SLC44A5: variants seen among roughly 807,000 people sequenced by gnomAD.
The protein encoded by SLC44A5 is choline transporter-like protein 5.
A neutral mutation model predicts 101.8 loss-of-function variants in SLC44A5; 57 were observed. The ratio of observed to expected loss-of-function variants is 0.56; its 90% CI spans 0.45 to 0.70. The LOEUF is 0.70. SLC44A5 is among the 30% of genes least tolerant of loss of function. The pLI is 0.00. For missense variants in SLC44A5, 737 were observed against 853.1 expected (o/e 0.86, Z 1.70); for synonymous variants, 281 against 290.9 (o/e 0.97, Z 0.35).
chr1:75,564,234 G>A (rs936934759), intron 1 of SLC44A5, among the ~76,000 whole-genome samples: 1 of 152,090 alleles, frequency 6.6e-6, no homozygotes, highest in Non-Finnish European at 1.5e-5. Context: ...GCAGTTTACA[G>A]GAAAATTAGA....
At chr1:75,487,166 TC>T (rs1307243912) in intron 2 of SLC44A5, among the ~76,000 whole-genome samples, 2 of 152,112 alleles carry the variant, frequency 1.3e-5, no homozygotes, top group African/African-American at 4.8e-5. Flanking sequence ...GTTTTCAGTC[TC>T]TGAGAGATAG....
rs74769671 is a variant in SLC44A5, at chr1:75,210,761, G to A, written c.2047+707C>T. ...GCTAACAGTATGCCATGAAGCCTGT[G>A]CTTCATTTCAGTAGTTGACTCTTCT... On this transcript the variant is annotated intron_variant, in intron 23 of 23. Transcript: ENST00000370859. 5.7e-4 allele frequency among the ~76,000 whole-genome samples: 87 copies of A among 152,230 alleles called. No individual in the cohort carries two copies. The East Asian group carries it at 0.015, about 26-fold the overall frequency.
the SLC44A5 span, among the ~76,000 whole-genome samples, chr1:75,666,087 AACT>A: frequency 6.6e-6 from 1 of 152,188 alleles, no homozygotes; most frequent in African/African-American, 2.4e-5. Flanking sequence ...CTTAAAATGG[AACT>A]ACCATTCAAA....
chr1:75,347,767 G>A (rs1053141705), intron 3 of SLC44A5, among the ~76,000 whole-genome samples: 1 of 151,760 alleles, frequency 6.6e-6, no homozygotes, highest in Non-Finnish European at 1.5e-5. Context: ...CCCTCTTTTG[G>A]AGTTGTATCT....
chr1:75,537,707 G>A (rs926121959), intron 2 of SLC44A5, among the ~76,000 whole-genome samples: 2 of 152,186 alleles, frequency 1.3e-5, no homozygotes, highest in East Asian at 3.9e-4. Context: ...GGTGAGGAGG[G>A]AAGAAATTGT....
chr1:75,711,575 T>C, the SLC44A5 span, among the ~76,000 whole-genome samples: 2 of 152,248 alleles, frequency 1.3e-5, no homozygotes, highest in African/African-American at 2.4e-5. Flanking sequence ...AGGAGTTTAG[T>C]ATGTGAAAAA....
chr1:75,569,242 T>G (rs1423354057), intron 1 of SLC44A5, among the ~76,000 whole-genome samples: 1 of 148,784 alleles, frequency 6.7e-6, no homozygotes, highest in Non-Finnish European at 1.5e-5. Flanking sequence ...CTCTACCTTT[T>G]TTTTTTTTTT....
At chr1:75,651,688 C>T in the SLC44A5 span, among the ~76,000 whole-genome samples, 3 of 122,118 alleles carry the variant, frequency 2.5e-5, no homozygotes, top group East Asian at 6.9e-4. Context: ...CAGAGCGAGA[C>T]TCTGTCTCAA....
intron 4 of SLC44A5, among the ~76,000 whole-genome samples, chr1:75,302,290 G>A (rs1270936): frequency 2.6e-5 from 4 of 151,720 alleles, no homozygotes. Flanking sequence ...ATACAGGTAA[G>A]AAACTCAGAG....
intron 2 of SLC44A5, among the ~76,000 whole-genome samples, chr1:75,409,674 T>A (rs1308180947): frequency 6.6e-6 from 1 of 152,114 alleles, no homozygotes; most frequent in African/African-American, 2.4e-5. Context: ...ATTTTTAAAA[T>A]TATTGATATT....
chr1:75,504,392 GT>G (rs1480330789), intron 2 of SLC44A5, among the ~76,000 whole-genome samples: 1 of 151,942 alleles, frequency 6.6e-6, no homozygotes, highest in Non-Finnish European at 1.5e-5. Context: ...ACATGGATCT[GT>G]TTATTTTGCA....
the SLC44A5 span, among the ~76,000 whole-genome samples, chr1:75,698,052 G>A: frequency 6.6e-6 from 1 of 152,216 alleles, no homozygotes; most frequent in Non-Finnish European, 1.5e-5. Flanking sequence ...AGATCAAACT[G>A]CAAGGTGGCA....
At chr1:75,712,242 G>A in the SLC44A5 span, among the ~76,000 whole-genome samples, 1 of 152,140 alleles carries the variant, frequency 6.6e-6, no homozygotes. Flanking sequence ...TAGAATCTGA[G>A]TTTACTATCT....
intron 2 of SLC44A5, among the ~76,000 whole-genome samples, chr1:75,520,492 G>C (rs1019045312): frequency 6.6e-6 from 1 of 152,100 alleles, no homozygotes; most frequent in Non-Finnish European, 1.5e-5. Context: ...ATGGATGAAT[G>C]GGGGCATGAA....
At chr1:75,615,859 T>C, upstream of SLC44A5, 1 of 988,126 alleles carries the variant, frequency 1.0e-6, no homozygotes, top group Non-Finnish European at 1.2e-6. Flanking sequence ...TCACCCTTGA[T>C]GCTGGGGGGC....
chr1:75,325,609 T>A (rs1342402744), intron 4 of SLC44A5, among the ~76,000 whole-genome samples: 1 of 152,108 alleles, frequency 6.6e-6, no homozygotes, highest in Non-Finnish European at 1.5e-5. Flanking sequence ...TTACAGTACA[T>A]TGTTATAATT....
chr1:75,329,874 T>A (rs146608721), intron 4 of SLC44A5, among the ~76,000 whole-genome samples: 4 of 152,256 alleles, frequency 2.6e-5, no homozygotes, highest in Admixed American at 2.6e-4. Flanking sequence ...CCTTTGCCAA[T>A]ATGATCCTTC....
the SLC44A5 span, among the ~76,000 whole-genome samples, chr1:75,704,897 A>G: frequency 6.6e-6 from 1 of 152,182 alleles, no homozygotes; most frequent in Non-Finnish European, 1.5e-5. Context: ...ATGGAAATGC[A>G]TTGTTTGATA....
intron 5 of SLC44A5, among the ~76,000 whole-genome samples, chr1:75,294,032 T>A (rs1275110862): frequency 6.6e-6 from 1 of 152,218 alleles, no homozygotes; most frequent in East Asian, 1.9e-4. Context: ...CATTTTTCAT[T>A]AAGAAAAGGT....
Sources: allele counts gnomAD v4.1 joint callset (sites outside exome capture counted in the v4.1 genomes callset), GRCh38; gene constraint gnomAD v4.1.1; transcripts MANE v1.5; gene names NCBI Gene and HGNC (gene_info 2026-07-23, HGNC 2026-07-21).